Variants in DLG2 observed in about 807,000 individuals in gnomAD.
DLG2 encodes the protein discs large MAGUK scaffold protein 2.
DLG2 carries 45 observed loss-of-function variants against 132.5 expected under a neutral mutation model. That is an observed-to-expected ratio of 0.34 (90% CI 0.27 to 0.44). DLG2 has a LOEUF of 0.44. DLG2 is among the 20% of genes least tolerant of loss of function. DLG2 has a pLI of 1.00. For missense variants in DLG2, 1,045 were observed against 1,196.9 expected (o/e 0.87, Z 1.87); for synonymous variants, 424 against 419.6 (o/e 1.01, Z -0.13).
At chr11:83,931,154 T>C (rs753212309) in intron 14 of DLG2, among the ~76,000 whole-genome samples, 24 of 152,230 alleles carry the variant, frequency 1.6e-4, no homozygotes, top group Non-Finnish European at 3.2e-4. Flanking sequence ...CTAATATATT[T>C]AATTATGTTT....
At chr11:85,074,471 A>C (rs1386277306) in intron 6 of DLG2, among the ~76,000 whole-genome samples, 4 of 151,846 alleles carry the variant, frequency 2.6e-5, no homozygotes, top group Non-Finnish European at 5.9e-5. Context: ...AGGATGAGAT[A>C]ATTATCTACT....
chr11:85,409,093 T>G (rs993541427), intron 3 of DLG2, among the ~76,000 whole-genome samples: 1 of 151,974 alleles, frequency 6.6e-6, no homozygotes, highest in Non-Finnish European at 1.5e-5. Context: ...TCAGCAGTTA[T>G]TGGTTAAGAC....
intron 11 of DLG2, among the ~76,000 whole-genome samples, chr11:83,980,940 G>A (rs1488231236): frequency 6.6e-6 from 1 of 152,180 alleles, no homozygotes; most frequent in Non-Finnish European, 1.5e-5. Flanking sequence ...ACTGGCCAGA[G>A]CAGGGATCAG....
At chr11:83,520,332 A>C (rs2095430625) in intron 21 of DLG2, among the ~76,000 whole-genome samples, 1 of 152,228 alleles carries the variant, frequency 6.6e-6, no homozygotes, top group Non-Finnish European at 1.5e-5. Flanking sequence ...GGTTATCACT[A>C]CTAACAAATA....
chr11:85,594,037 C>A (rs568244289), intron 3 of DLG2, among the ~76,000 whole-genome samples: 1 of 151,924 alleles, frequency 6.6e-6, no homozygotes, highest in Non-Finnish European at 1.5e-5. Context: ...TATTAAAAGT[C>A]TATTATAATT....
chr11:84,645,449 C>T (rs1337377723), intron 6 of DLG2, among the ~76,000 whole-genome samples: 1 of 151,960 alleles, frequency 6.6e-6, no homozygotes, highest in East Asian at 1.9e-4. Context: ...TATTAAGTGA[C>T]CATCCATAAT....
intron 11 of DLG2, among the ~76,000 whole-genome samples, chr11:84,014,454 A>T (rs919381345): frequency 3.3e-5 from 5 of 152,186 alleles, no homozygotes; most frequent in African/African-American, 1.2e-4. Context: ...TTTAATATAC[A>T]TTAATGTTTT....
intron 6 of DLG2, chr11:84,923,482 GA>G (rs1200754074): frequency 7.0e-6 from 3 of 426,424 alleles, no homozygotes; most frequent in Non-Finnish European, 9.0e-6. Flanking sequence ...AGGAGGGGGG[GA>G]AAGGTGAAGA....
chr11:84,304,074 T>A (rs888742178), intron 7 of DLG2, among the ~76,000 whole-genome samples: 4 of 152,226 alleles, frequency 2.6e-5, no homozygotes, highest in African/African-American at 9.6e-5. Context: ...TTATCCATAC[T>A]ATGGTAAAAA....
intron 4 of DLG2, among the ~76,000 whole-genome samples, chr11:85,165,183 T>C (rs762232842): frequency 5.3e-5 from 8 of 152,214 alleles, no homozygotes; most frequent in Non-Finnish European, 8.8e-5. Flanking sequence ...AAGTGCAGTC[T>C]CTAGTCACTT....
chr11:84,514,261 A>G (rs961541124), intron 7 of DLG2, among the ~76,000 whole-genome samples: 2 of 149,390 alleles, frequency 1.3e-5, no homozygotes, highest in African/African-American at 5.0e-5. Flanking sequence ...AATTAGTACA[A>G]CCACTATGGA....
intron 6 of DLG2, among the ~76,000 whole-genome samples, chr11:84,659,847 CACG>C (rs1166199018): frequency 6.6e-6 from 1 of 152,040 alleles, no homozygotes; most frequent in East Asian, 1.9e-4. Context: ...CTGTTATATT[CACG>C]ACTACAGTTT....
At chr11:84,175,552 C>A (rs946780099) in intron 8 of DLG2, among the ~76,000 whole-genome samples, 2 of 152,130 alleles carry the variant, frequency 1.3e-5, no homozygotes, top group African/African-American at 4.8e-5. Flanking sequence ...CAATGAGCTG[C>A]ATCCCTTTTC....
intron 18 of DLG2, among the ~76,000 whole-genome samples, chr11:83,749,529 C>T (rs182210630): frequency 6.6e-5 from 10 of 152,232 alleles, no homozygotes; most frequent in Admixed American, 2.0e-4. Flanking sequence ...GTCAGTTTCC[C>T]TCTTCCTTCT....
intron 19 of DLG2, among the ~76,000 whole-genome samples, chr11:83,601,522 T>TC (rs1257669275): frequency 7.3e-6 from 1 of 137,224 alleles, no homozygotes; most frequent in Non-Finnish European, 1.6e-5. Context: ...TTTTTTTTTT[T>TC]TTTTTTTTTG....
chr11:84,533,905 CAAAAAAAAAAAAAAAAAAAAA>C (rs558597260), intron 7 of DLG2, among the ~76,000 whole-genome samples: 3 of 70,280 alleles, frequency 4.3e-5, no homozygotes, highest in African/African-American at 1.6e-4. Context: ...CCAGTTCAGC[CAAAAAAAAAAAAAAAAAAAAA>C]AAAAAAAAAA....
At position 83,694,537 on chromosome 11, in the gene DLG2, C is replaced by G. The variant is rs193226420; in HGVS notation, c.1826-61212G>C. On this transcript the variant is annotated intron_variant, in intron 18 of 27. Coordinates refer to ENST00000376104, the MANE Select transcript of DLG2 (RefSeq NM_001142699.3). ...TCTTGCTGAAAATAGCTTCCCTCCCCCCAGCACAAAGTCATAAAGAAAGAA... is the reference window on the plus strand; with the variant it reads ...TCTTGCTGAAAATAGCTTCCCTCCCGCCAGCACAAAGTCATAAAGAAAGAA... Among the ~76,000 whole-genome samples, 89 of 152,298 alleles carry G rather than the reference C, an allele frequency of 5.8e-4. 1 individual carries two copies. The highest frequency in any genetic ancestry group is 2.0e-3 in the African/African-American group (83 of 41,554).
At chr11:85,291,224 G>C (rs2078870488) in intron 3 of DLG2, among the ~76,000 whole-genome samples, 1 of 152,104 alleles carries the variant, frequency 6.6e-6, no homozygotes, top group Non-Finnish European at 1.5e-5. Flanking sequence ...CTTAAATCAT[G>C]AGGCTTTTTT....
intron 10 of DLG2, among the ~76,000 whole-genome samples, chr11:84,079,747 A>C (rs1362212340): frequency 2.0e-5 from 3 of 152,166 alleles, no homozygotes; most frequent in Admixed American, 6.5e-5. Context: ...TAAATTACTT[A>C]CTATAGCACC....
Sources: allele counts gnomAD v4.1 joint callset (sites outside exome capture counted in the v4.1 genomes callset), GRCh38; gene constraint gnomAD v4.1.1; transcripts MANE v1.5; gene names NCBI Gene and HGNC (gene_info 2026-07-23, HGNC 2026-07-21).